The following AGBL4 variants were observed in gnomAD, a reference collection of about 807,000 sequenced individuals.
AGBL4 encodes the protein cytosolic carboxypeptidase 6.
A neutral mutation model predicts 66.4 loss-of-function variants in AGBL4; 58 were observed. The ratio of observed to expected loss-of-function variants is 0.87; its 90% CI spans 0.71 to 1.09. AGBL4 has a LOEUF of 1.09. AGBL4 is among the 50% of genes least tolerant of loss of function. The pLI is 0.00. For missense variants in AGBL4, 579 were observed against 631.0 expected (o/e 0.92, Z 0.88); for synonymous variants, 234 against 222.9 (o/e 1.05, Z -0.44).
intron 2 of AGBL4, among the ~76,000 whole-genome samples, chr1:49,768,105 G>A (rs1166472609): frequency 6.6e-6 from 1 of 152,000 alleles, no homozygotes; most frequent in Non-Finnish European, 1.5e-5. Flanking sequence ...CCAAAGAAGA[G>A]CTGGTACCAA....
chr1:49,786,452 G>A (rs113228895), intron 2 of AGBL4, among the ~76,000 whole-genome samples: 244 of 152,104 alleles, frequency 1.6e-3, no homozygotes, highest in Non-Finnish European at 2.7e-3. Flanking sequence ...TTCTTAACAA[G>A]CTTCCATTGT....
In AGBL4 at chr1:50,023,939, T is replaced by G. The variant is rs1210849524; in HGVS notation, c.-143A>C. 12 of 904,026 alleles carry G rather than the reference T, an allele frequency of 1.3e-5. No individual in the cohort carries two copies. Among genetic ancestry groups the G allele is most frequent in the Non-Finnish European group, 3.1e-6 (2 of 636,994 alleles). The allele number at this position is 904,026 out of a possible 1,614,324, so 56.0% of individuals were successfully genotyped here. The stretch of plus-strand genomic sequence containing the variant: ...GGGCAACGGGCGGCAGGCGCGCGGG[T>G]GGCCGGCGCGCGGCTGAGGGCGGGA... On this transcript the variant is annotated 5_prime_UTR_variant, in exon 1 of 14. Transcript: ENST00000371839.
intron 6 of AGBL4, among the ~76,000 whole-genome samples, chr1:48,832,441 C>T: frequency 6.6e-6 from 1 of 152,118 alleles, no homozygotes; most frequent in East Asian, 1.9e-4. Flanking sequence ...AATAACCTTT[C>T]CCTCTTATTG....
chr1:49,286,493 T>C (rs1325572070), intron 3 of AGBL4, among the ~76,000 whole-genome samples: 1 of 152,168 alleles, frequency 6.6e-6, no homozygotes, highest in Non-Finnish European at 1.5e-5. Flanking sequence ...CTCCTTAAGC[T>C]GATAAGCAAC....
At chr1:49,181,556 A>G (rs1036871942) in intron 4 of AGBL4, among the ~76,000 whole-genome samples, 4 of 152,140 alleles carry the variant, frequency 2.6e-5, no homozygotes, top group Admixed American at 2.6e-4. Context: ...AAAAATACTA[A>G]TATCTACTCA....
chr1:49,792,754 C>T (rs1476049027), intron 2 of AGBL4, among the ~76,000 whole-genome samples: 3 of 151,982 alleles, frequency 2.0e-5, no homozygotes, highest in Admixed American at 1.3e-4. Context: ...ACCCATCCAA[C>T]CTCCAAACTG....
chr1:49,442,982 G>A (rs1201260144), intron 3 of AGBL4, among the ~76,000 whole-genome samples: 1 of 152,090 alleles, frequency 6.6e-6, no homozygotes, highest in African/African-American at 2.4e-5. Flanking sequence ...GCTGACTTGA[G>A]TAAAGATAAC....
chr1:48,678,428 CT>C (rs1234351289), intron 6 of AGBL4, among the ~76,000 whole-genome samples: 2 of 152,220 alleles, frequency 1.3e-5, no homozygotes, highest in Non-Finnish European at 2.9e-5. Context: ...GTCCCTTCCA[CT>C]CACACACATC....
At chr1:49,173,602 C>G (rs1400559181) in intron 4 of AGBL4, among the ~76,000 whole-genome samples, 1 of 152,166 alleles carries the variant, frequency 6.6e-6, no homozygotes, top group Non-Finnish European at 1.5e-5. Flanking sequence ...TGGGAAAAGA[C>G]TGACATTATA....
At chr1:49,184,842 C>T (rs568756781) in intron 4 of AGBL4, among the ~76,000 whole-genome samples, 1 of 152,242 alleles carries the variant, frequency 6.6e-6, no homozygotes, top group African/African-American at 2.4e-5. Flanking sequence ...GCCTCAATGT[C>T]CTCATATGAA....
chr1:49,087,563 A>G (rs1003622638), intron 4 of AGBL4, among the ~76,000 whole-genome samples: 1 of 152,226 alleles, frequency 6.6e-6, no homozygotes, highest in African/African-American at 2.4e-5. Flanking sequence ...AGAATGAACA[A>G]AACATCTTAG....
intron 3 of AGBL4, among the ~76,000 whole-genome samples, chr1:49,562,826 T>G (rs557300264): frequency 3.4e-4 from 52 of 152,278 alleles, no homozygotes; most frequent in Non-Finnish European, 6.6e-4. Context: ...TTTAAAGTAG[T>G]TATTTCCAAT....
chr1:49,688,327 A>G (rs1035723324), intron 3 of AGBL4, among the ~76,000 whole-genome samples: 9 of 152,206 alleles, frequency 5.9e-5, no homozygotes, highest in African/African-American at 2.2e-4. Context: ...GAGAGCATGT[A>G]AAGTCTGTTT....
At chr1:49,859,824 T>C (rs1053847498) in intron 1 of AGBL4, among the ~76,000 whole-genome samples, 2 of 151,954 alleles carry the variant, frequency 1.3e-5, no homozygotes, top group Non-Finnish European at 2.9e-5. Flanking sequence ...CACAACAGAA[T>C]TGTCTAGAGA....
chr1:49,569,375 ATTGT>A (rs1167995374), intron 3 of AGBL4, among the ~76,000 whole-genome samples: 5 of 152,200 alleles, frequency 3.3e-5, no homozygotes, highest in Middle Eastern at 3.4e-3. Context: ...GTGTTACTGG[ATTGT>A]TTGTGACTCA....
At chr1:49,091,411 G>T (rs77660233) in intron 4 of AGBL4, among the ~76,000 whole-genome samples, 3,666 of 151,890 alleles carry the variant, frequency 0.024, 122 homozygotes, top group African/African-American at 0.084. Flanking sequence ...GAAAAATTGG[G>T]CAAAGGACAT....
intron 4 of AGBL4, among the ~76,000 whole-genome samples, chr1:49,226,481 C>T (rs1406568288): frequency 6.6e-6 from 1 of 152,126 alleles, no homozygotes; most frequent in African/African-American, 2.4e-5. Context: ...TTACTAACAA[C>T]AAATCTCTAT....
rs185223086 is a variant in AGBL4 at position 49,555,006 on chromosome 1, C to T, written c.282+142307G>A. On this transcript the variant is annotated intron_variant, in intron 3 of 13. Transcript: ENST00000371839. ...AAAGAGTGAGCAGCAGAAAGATTTA[C>T]TGTGAAGAGCAAAAGAACAAAGCTT... 2.2e-4 allele frequency among the ~76,000 whole-genome samples: 34 copies of T among 152,296 alleles called. No individual in the cohort carries two copies. The East Asian group carries it at 6.4e-3, about 29-fold the overall frequency.
At chr1:48,974,727 T>A (rs1659180733) in intron 5 of AGBL4, among the ~76,000 whole-genome samples, 1 of 152,140 alleles carries the variant, frequency 6.6e-6, no homozygotes, top group Non-Finnish European at 1.5e-5. Context: ...AAATAGGTGG[T>A]GACTCTAATT....
Sources: allele counts gnomAD v4.1 joint callset (sites outside exome capture counted in the v4.1 genomes callset), GRCh38; gene constraint gnomAD v4.1.1; transcripts MANE v1.5; gene names NCBI Gene and HGNC (gene_info 2026-07-23, HGNC 2026-07-21).